ADCYAP1R1: variants seen among roughly 807,000 people sequenced by gnomAD.
ADCYAP1R1 encodes pituitary adenylate cyclase-activating polypeptide type I receptor.
Under a neutral mutation model 67.6 loss-of-function variants are expected in ADCYAP1R1, and 44 were observed. The ratio of observed to expected loss-of-function variants is 0.65; its 90% CI spans 0.51 to 0.84. The LOEUF is 0.84. Ranked by LOEUF, ADCYAP1R1 falls within the 40% of genes least tolerant of loss-of-function variation. ADCYAP1R1 has a pLI of 0.00. For synonymous variants in ADCYAP1R1, 222 were observed against 219.6 expected (o/e 1.01, Z -0.10); for missense variants, 477 against 587.9 (o/e 0.81, Z 1.95).
At chr7:31,072,930 A>G (rs1795048802) in intron 3 of ADCYAP1R1, among the ~76,000 whole-genome samples, 1 of 152,214 alleles carries the variant, frequency 6.6e-6, no homozygotes, top group Non-Finnish European at 1.5e-5. Context: ...CTGGTTTCAA[A>G]GAGGGAGGAA....
In ADCYAP1R1 at chr7:31,102,229, G is replaced by C. The variant is rs1419149094; in HGVS notation, c.1047-1008G>C. On this transcript the variant is annotated intron_variant, in intron 13 of 15. Coordinates refer to ENST00000304166, the MANE Select transcript of ADCYAP1R1 (RefSeq NM_001118.5). This position sits in a 1 kb window ranked among gnomAD's most constrained non-coding sequence, Gnocchi z 4.3. Reference sequence around the variant, plus strand: ...ACCCCGGGGGACTTAGCTGTGCTGGGAGATGGGGAGGCTGATCCTCTGGAG... The same window carrying C: ...ACCCCGGGGGACTTAGCTGTGCTGGCAGATGGGGAGGCTGATCCTCTGGAG... Among the ~76,000 whole-genome samples, 2 of 152,242 alleles carry C rather than the reference G, an allele frequency of 1.3e-5. No individual in the cohort carries two copies. The highest frequency in any genetic ancestry group is 2.9e-5 in the Non-Finnish European group (2 of 68,034).
intron 7 of ADCYAP1R1, among the ~76,000 whole-genome samples, 159 bp from the exon 8 acceptor site, chr7:31,084,578 G>A (rs978515336): frequency 6.6e-6 from 1 of 152,192 alleles, no homozygotes; most frequent in African/African-American, 2.4e-5. Context: ...CTTGGCCAGG[G>A]GTGGGAGGTG....
chr7:31,100,301 C>A, intron 13 of ADCYAP1R1: 1 of 1,277,048 alleles, frequency 7.8e-7, no homozygotes, highest in Non-Finnish European at 1.1e-6. Context: ...GAGTGGAGAG[C>A]CAGCCTCTGC....
At chr7:31,088,724 G>T (rs1000220339) in intron 12 of ADCYAP1R1, among the ~76,000 whole-genome samples, 3 of 152,090 alleles carry the variant, frequency 2.0e-5, no homozygotes, top group African/African-American at 7.2e-5. Context: ...TAATGTATTT[G>T]TCCATTCCCA....
intron 13 of ADCYAP1R1, among the ~76,000 whole-genome samples, chr7:31,096,620 C>G (rs902268685): frequency 6.6e-6 from 1 of 152,186 alleles, no homozygotes; most frequent in Non-Finnish European, 1.5e-5. Context: ...TCAGCTGGGA[C>G]CCCTCCAGAC....
intron 13 of ADCYAP1R1, among the ~76,000 whole-genome samples, chr7:31,101,664 CAA>C (rs1477420460): frequency 6.6e-6 from 1 of 152,184 alleles, no homozygotes; most frequent in Non-Finnish European, 1.5e-5. Context: ...CCCGAGCGCC[CAA>C]GAGAGAATTC....
intron 3 of ADCYAP1R1, among the ~76,000 whole-genome samples, 174 bp downstream of exon 3, chr7:31,065,110 C>G (rs1364960830): frequency 2.6e-5 from 4 of 152,182 alleles, no homozygotes; most frequent in African/African-American, 7.2e-5. Flanking sequence ...TGGGGTTGCT[C>G]TCCTCAAGGC....
intron 5 of ADCYAP1R1, among the ~76,000 whole-genome samples, chr7:31,081,054 T>C (rs1339707920): frequency 6.6e-6 from 1 of 152,202 alleles, no homozygotes; most frequent in African/African-American, 2.4e-5. Flanking sequence ...GAGCAAATGA[T>C]GCAGCATGCA....
intron 13 of ADCYAP1R1, among the ~76,000 whole-genome samples, chr7:31,094,512 G>T (rs1027867513): frequency 6.6e-6 from 1 of 152,074 alleles, no homozygotes; most frequent in Non-Finnish European, 1.5e-5. Flanking sequence ...AGCTCTAGTG[G>T]TCTTGATTTC....
chr7:31,078,730 G>C lies in ADCYAP1R1; in HGVS notation c.265+632G>C, dbSNP rs146574166. ...TCAGCAGAGCATTTTCTGGGCCCTAGCTGCCCTCAGGCAGTTACACGGGCT... is the reference window on the plus strand; with the variant it reads ...TCAGCAGAGCATTTTCTGGGCCCTACCTGCCCTCAGGCAGTTACACGGGCT... On this transcript the variant is annotated intron_variant, in intron 4 of 15. Coordinates refer to ENST00000304166, the MANE Select transcript of ADCYAP1R1 (RefSeq NM_001118.5). Among the ~76,000 whole-genome samples, 490 of 152,302 alleles carry C rather than the reference G, an allele frequency of 3.2e-3. 3 individuals carry two copies. The highest frequency in any genetic ancestry group is 0.017 in the Middle Eastern group (5 of 294).
chr7:31,097,818 G>C (rs1403795338), intron 13 of ADCYAP1R1, among the ~76,000 whole-genome samples: 4 of 152,214 alleles, frequency 2.6e-5, no homozygotes, highest in African/African-American at 7.2e-5. Flanking sequence ...TACAGTTGGG[G>C]GGGGGTCTCC....
intron 1 of ADCYAP1R1, 112 bp from the exon 2 acceptor site, chr7:31,063,082 T>C (rs1158344302): frequency 1.6e-6 from 1 of 644,380 alleles, no homozygotes; most frequent in Non-Finnish European, 2.7e-6. Flanking sequence ...GGGGTTATCC[T>C]TGGAGGCTGA....
chr7:31,092,125 G>T (rs1795987033), intron 12 of ADCYAP1R1, among the ~76,000 whole-genome samples: 1 of 146,330 alleles, frequency 6.8e-6, no homozygotes, highest in African/African-American at 2.5e-5. Flanking sequence ...CCTCCTTTGT[G>T]ACCGTTCACA....
intron 1 of ADCYAP1R1, among the ~76,000 whole-genome samples, chr7:31,059,735 C>T (rs745397379): frequency 7.9e-5 from 12 of 152,016 alleles, no homozygotes; most frequent in Non-Finnish European, 1.2e-4. Flanking sequence ...AAGCTCTGAG[C>T]GTTGTCCAGT....
At chr7:31,101,475 C>T (rs908804062) in intron 13 of ADCYAP1R1, among the ~76,000 whole-genome samples, 54 of 152,220 alleles carry the variant, frequency 3.5e-4, no homozygotes, top group African/African-American at 1.2e-3. Context: ...TTCCTGGGCT[C>T]CTTCAATAGA....
Position 31,087,707 on chromosome 7 carries a change from T to A in ADCYAP1R1, c.954+11T>A. On this transcript the variant is annotated intron_variant, in intron 12 of 15. Transcript: ENST00000304166. ...GTTGGCTCTATCATGGTGAGTGTCC[T>A]TGGGATGAAGAGGAAGGGAAGAGAC... 6.2e-7 allele frequency: 1 copy of A among 1,611,264 alleles called. No individual in the cohort carries two copies. The highest frequency in any genetic ancestry group is 2.2e-5 in the East Asian group (1 of 44,672).
At chr7:31,094,275 G>A (rs1042748097) in intron 13 of ADCYAP1R1, among the ~76,000 whole-genome samples, 4 of 152,236 alleles carry the variant, frequency 2.6e-5, no homozygotes, top group Middle Eastern at 3.4e-3. Context: ...TGGGGGGCCA[G>A]CCCTTTGCTA....
chr7:31,086,896 A>G lies in ADCYAP1R1; in HGVS notation c.824-47A>G. 6.3e-7 allele frequency: 1 copy of G among 1,593,736 alleles called. No homozygotes were observed. The highest frequency in any genetic ancestry group is 8.6e-7 in the Non-Finnish European group (1 of 1,161,494). The stretch of plus-strand genomic sequence containing the variant: ...CCCAGGTCTACGGTGGACATTGGAC[A>G]TGTTGGTTTTCCTGTTCTCACGGAC... On this transcript the variant is annotated intron_variant, in intron 10 of 15. Coordinates refer to ENST00000304166, the MANE Select transcript of ADCYAP1R1 (RefSeq NM_001118.5). The surrounding 1 kb of genome is among the most constrained non-coding windows in gnomAD (Gnocchi z 5.0).
Position 31,086,452 on chromosome 7 carries a change from C to A in ADCYAP1R1, c.738C>A (p.Ile246=), listed in dbSNP as rs150564353. Residue 246 remains isoleucine, a synonymous_variant, in exon 10 of 16, where the codon ATC becomes ATA. Transcript: ENST00000304166. This position sits in a 1 kb window ranked among gnomAD's most constrained non-coding sequence, Gnocchi z 5.0. Reference sequence around the variant, plus strand: ...TGTCCAACTACTTCTGGCTGTTCATCGAGGGCCTGTACCTCTTCACTCTGC... The same window carrying A: ...TGTCCAACTACTTCTGGCTGTTCATAGAGGGCCTGTACCTCTTCACTCTGC... ...CVVSNYFWLF[I]EGLYLFTLLV... is the part of the protein sequence containing the mutation. 12 of 1,614,086 alleles carry A rather than the reference C, an allele frequency of 7.4e-6. No individual in the cohort carries two copies. Among genetic ancestry groups the A allele is most frequent in the Admixed American group, 3.3e-5 (2 of 60,002 alleles).
Sources: gnomAD v4.1 joint callset for allele counts (sites outside exome capture counted in the v4.1 genomes callset) on GRCh38, gnomAD v4.1.1 for gene constraint, Gnocchi (gnomAD v3.1) non-coding constraint, MANE v1.5 for transcripts, NCBI Gene and HGNC (gene_info 2026-07-23, HGNC 2026-07-21) for gene names.